Variants in HSPBP1 observed in about 807,000 individuals in gnomAD.
HSPBP1 encodes HSPA (Hsp70) binding protein 1.
A neutral mutation model predicts 41.7 loss-of-function variants in HSPBP1; 31 were observed. That is an observed-to-expected ratio of 0.74 (90% CI 0.56 to 1.00). HSPBP1 has a LOEUF of 1.00. HSPBP1 is among the 50% of genes least tolerant of loss of function. The pLI is 0.00. For synonymous variants in HSPBP1, 199 were observed against 214.4 expected (o/e 0.93, Z 0.63); for missense variants, 439 against 487.9 (o/e 0.90, Z 0.94).
chr19:55,274,344 GGCACCCCCCCCCACCGCCA>G, intron 4 of HSPBP1, 35 bp downstream of exon 4: 1 of 293,906 alleles, frequency 3.4e-6, no homozygotes, highest in Non-Finnish European at 6.3e-6. Context: ...GGGCCCACCC[GGCACCCCCCCCCACCGCCA>G]GCACCCCTGT....
rs576494626 is a variant in HSPBP1 at position 55,270,419 on chromosome 19, C to T, written c.640+3979G>A. The stretch of plus-strand genomic sequence containing the variant: ...GCGCACAGGGCTTAGTGCAATGAGA[C>T]CTTCAGGGAACGAGGCCCGGCTGAC... On this transcript the variant is annotated intron_variant, in intron 4 of 7. Transcript: ENST00000433386. This position sits in a 1 kb window ranked among gnomAD's most constrained non-coding sequence, Gnocchi z 5.4. Among the ~76,000 whole-genome samples, 3 of 152,300 alleles carry T rather than the reference C, an allele frequency of 2.0e-5. No individual in the cohort carries two copies. The South Asian group carries it at 6.2e-4, about 32-fold the overall frequency.
In HSPBP1 at chr19:55,267,233, C is replaced by A. The variant is rs1403605354; in HGVS notation, c.641-947G>T. On this transcript the variant is annotated intron_variant, in intron 4 of 7. Transcript: ENST00000433386. Reference sequence around the variant, plus strand: ...GTGGAGCAATCTTGGCTCACTGTAACCTCCGCTCGCAGGTTCAAACTATTC... The same window carrying A: ...GTGGAGCAATCTTGGCTCACTGTAAACTCCGCTCGCAGGTTCAAACTATTC... Among the ~76,000 whole-genome samples, 3 of 152,240 alleles carry A rather than the reference C, an allele frequency of 2.0e-5. No individual in the cohort carries two copies. The South Asian group carries it at 6.2e-4, about 32-fold the overall frequency.
At chr19:55,266,328 C>G in intron 4 of HSPBP1, 42 bp from the exon 5 acceptor site, 1 of 1,529,974 alleles carries the variant, frequency 6.5e-7, no homozygotes, top group Non-Finnish European at 8.8e-7. Flanking sequence ...GTCACCACCA[C>G]CACCACTGTC....
In HSPBP1 at chr19:55,280,040, C is replaced by T. The variant is rs992585065; in HGVS notation, c.-100G>A. 3.2e-5 allele frequency: 8 copies of T among 251,506 alleles called. No homozygotes were observed. The Admixed American group carries it at 4.6e-4, about 14-fold the overall frequency. 15.6% of individuals were successfully genotyped at this position (251,506 alleles called of 1,614,324 possible). On this transcript the variant is annotated 5_prime_UTR_variant, in exon 1 of 8. Coordinates refer to ENST00000433386, the MANE Select transcript of HSPBP1 (RefSeq NM_012267.5). Reference sequence around the variant, plus strand: ...CGGAATAAGGCGGATCTCACCTCCCCGGGTCCTCAAGCCGCCGCTGCTCCT... The same window carrying T: ...CGGAATAAGGCGGATCTCACCTCCCTGGGTCCTCAAGCCGCCGCTGCTCCT...
intron 4 of HSPBP1, among the ~76,000 whole-genome samples, chr19:55,267,007 G>C (rs1194790017): frequency 6.6e-6 from 1 of 152,168 alleles, no homozygotes; most frequent in African/African-American, 2.4e-5. Flanking sequence ...ATGTTTTCCA[G>C]GTTCATTCAT....
At chr19:55,273,595 G>T (rs890870681) in intron 4 of HSPBP1, among the ~76,000 whole-genome samples, 1 of 152,140 alleles carries the variant, frequency 6.6e-6, no homozygotes, top group Non-Finnish European at 1.5e-5. Flanking sequence ...CACAGATGTT[G>T]GTTTTTGTCC....
chr19:55,274,330 C>T, intron 4 of HSPBP1, 68 bp downstream of exon 4: 1 of 1,191,324 alleles, frequency 8.4e-7, no homozygotes, highest in East Asian at 2.7e-5. Flanking sequence ...CCAGCAGATC[C>T]CGGGGGCCCA....
At chr19:55,278,481 C>A (rs774859925) in intron 2 of HSPBP1, among the ~76,000 whole-genome samples, 13 of 152,228 alleles carry the variant, frequency 8.5e-5, no homozygotes, top group Non-Finnish European at 1.3e-4. Context: ...TAATAGCTAT[C>A]GCTATGAATC....
rs201440059 is a variant in HSPBP1 at position 55,265,309 on chromosome 19, C to T, written c.974G>A (p.Cys325Tyr). 2.5e-6 allele frequency: 4 copies of T among 1,613,048 alleles called. No homozygotes were observed. Among genetic ancestry groups the T allele is most frequent in the Admixed American group, 3.3e-5 (2 of 59,972 alleles). The change falls in exon 7 of 8, where the codon TGT becomes TAT. Residue 325 changes from cysteine to tyrosine, a missense_variant. Physicochemically the swap from Cys to Tyr is radical, Grantham distance 194 (BLOSUM62 -2). Transcript: ENST00000433386. ...LGLEELLRHR[C>Y]QLLQQHEEYQ... ...CTCCTCATGCTGCTGCAGCAGCTGA[C>T]AGCGGTGGCGGAGGAGCTCCTCCAG...
chr19:55,279,509 C>CA lies in HSPBP1; in HGVS notation c.99dup (p.Gly34TrpfsTer25). ...GGGGGCCGGGAATTGCCCGAGCCCCCAGCCGAGGAGCCGCCGCCGCCGCCC... is the reference window on the plus strand; with the variant it reads ...GGGGGCCGGGAATTGCCCGAGCCCCCAAGCCGAGGAGCCGCCGCCGCCGCCC... On this transcript the variant is annotated frameshift_variant, in exon 2 of 8. Coordinates refer to ENST00000433386, the MANE Select transcript of HSPBP1 (RefSeq NM_012267.5). LOFTEE classifies it high-confidence loss of function. 1 of 1,290,858 alleles carries CA rather than the reference C, an allele frequency of 7.7e-7. No individual in the cohort carries two copies. Among genetic ancestry groups the CA allele is most frequent in the Non-Finnish European group, 1.1e-6 (1 of 934,410 alleles). 80.0% of individuals were successfully genotyped at this position (1,290,858 alleles called of 1,614,324 possible). A position where few individuals can be genotyped will look rare whatever the true frequency, so the allele number is the denominator to read the frequency against.
rs572927428 is a variant in HSPBP1 at position 55,274,563 on chromosome 19, C to T, written c.475G>A (p.Ala159Thr). The change falls in exon 4 of 8, where the codon GCG becomes ACG. Residue 159 changes from alanine to threonine, a missense_variant. Transcript: ENST00000433386. The part of the protein sequence containing the change: ...LVGRYLEAGA[A>T]GLRWRAAQLI... Reference sequence around the variant, plus strand: ...TGTGCCGCCCGCCACCGCAGTCCCGCAGCCCCCGCCTCCAGGTACCGGCCC... The same window carrying T: ...TGTGCCGCCCGCCACCGCAGTCCCGTAGCCCCCGCCTCCAGGTACCGGCCC... The T allele has an allele frequency of 7.5e-5, 120 of 1,609,008 alleles. 2 individuals are homozygous for T. In the South Asian group the frequency reaches 1.3e-3, roughly 17 times the overall value.
intron 2 of HSPBP1, 109 bp downstream of exon 2, chr19:55,279,290 C>A: frequency 2.2e-6 from 2 of 925,408 alleles, no homozygotes; most frequent in South Asian, 1.6e-5. Context: ...TTCTGCCTCC[C>A]ACCCAAGAAG....
rs1054304424 is a variant in HSPBP1, at chr19:55,266,063, C to T, written c.796+68G>A. On this transcript the variant is annotated intron_variant, in intron 5 of 7. Coordinates refer to ENST00000433386, the MANE Select transcript of HSPBP1 (RefSeq NM_012267.5). ...CCCCGGGATGCCTGTTCCTCCCCTT[C>T]TCCCACACCTGCACCCACCCCAGGG... 32 of 1,565,066 alleles carry T rather than the reference C, an allele frequency of 2.0e-5. No homozygotes were observed. The African/African-American group carries it at 4.1e-4, about 20-fold the overall frequency.
In HSPBP1 at chr19:55,270,858, A is replaced by G. The variant is rs1207644161; in HGVS notation, c.640+3540T>C. On this transcript the variant is annotated intron_variant, in intron 4 of 7. Transcript: ENST00000433386. This position sits in a 1 kb window ranked among gnomAD's most constrained non-coding sequence, Gnocchi z 5.4. ...ATACATACATCCCCCCAGCACACAC[A>G]TCCCACACACATACACATGCAACAC... is the stretch of plus-strand genomic sequence containing the variant. Among the ~76,000 whole-genome samples the G allele has an allele frequency of 6.6e-6, 1 of 151,194 alleles. No homozygotes were observed. Among genetic ancestry groups the G allele is most frequent in the Non-Finnish European group, 1.5e-5 (1 of 67,782 alleles).
chr19:55,271,726 C>G (rs1600143926), intron 4 of HSPBP1, among the ~76,000 whole-genome samples: 2 of 152,222 alleles, frequency 1.3e-5, no homozygotes, highest in Middle Eastern at 3.4e-3. Flanking sequence ...CCCTCACAGC[C>G]CCCATTTCAA....
At chr19:55,278,116 G>A (rs547403985) in intron 2 of HSPBP1, among the ~76,000 whole-genome samples, 94 of 152,226 alleles carry the variant, frequency 6.2e-4, no homozygotes, top group African/African-American at 1.1e-3. Context: ...GCCTGGTGGC[G>A]TGAGCCTGTA....
At position 55,276,525 on chromosome 19, in the gene HSPBP1, T is replaced by C. The variant is rs192615626; in HGVS notation, c.415+1117A>G. On this transcript the variant is annotated intron_variant, in intron 3 of 7. Coordinates refer to ENST00000433386, the MANE Select transcript of HSPBP1 (RefSeq NM_012267.5). ...ACGAGGCCAGGGAGGAAGTGGTATCTTTGGCTTTCGTTCTCATTTGATTAC... is the reference window on the plus strand; with the variant it reads ...ACGAGGCCAGGGAGGAAGTGGTATCCTTGGCTTTCGTTCTCATTTGATTAC... Among the ~76,000 whole-genome samples, 4 of 152,320 alleles carry C rather than the reference T, an allele frequency of 2.6e-5. No homozygotes were observed. In the East Asian group the frequency reaches 7.7e-4, roughly 29 times the overall value.
chr19:55,274,298 A>G (rs903910580), intron 4 of HSPBP1, 100 bp downstream of exon 4: 2 of 1,051,652 alleles, frequency 1.9e-6, no homozygotes, highest in Non-Finnish European at 2.7e-6. Context: ...AAACGAGGGA[A>G]GGAGATGCCT....
intron 2 of HSPBP1, 36 bp from the exon 3 acceptor site, chr19:55,277,882 ATCAG>A: frequency 1.4e-6 from 2 of 1,463,584 alleles, no homozygotes; most frequent in Non-Finnish European, 1.8e-6. Context: ...AAGGAGATCC[ATCAG>A]TCATTCATTA....
Sources: allele counts gnomAD v4.1 joint callset (sites outside exome capture counted in the v4.1 genomes callset), GRCh38; gene constraint gnomAD v4.1.1; non-coding constraint Gnocchi (gnomAD v3.1); transcripts MANE v1.5; gene names NCBI Gene and HGNC (gene_info 2026-07-23, HGNC 2026-07-21).